Variants in MARCHF1 observed in about 807,000 individuals in gnomAD.
MARCHF1 encodes membrane associated ring-CH-type finger 1, also known as E3 ubiquitin-protein ligase MARCHF1.
A neutral mutation model predicts 54.2 loss-of-function variants in MARCHF1; 40 were observed. The observed-to-expected ratio is 0.74, with a 90% CI of 0.57 to 0.96. The LOEUF is 0.96. Among genes scored for constraint, MARCHF1 ranks in the 40% least tolerant of loss-of-function variants. The pLI, the probability that MARCHF1 is intolerant of heterozygous loss-of-function variation, is 0.00. For synonymous variants in MARCHF1, 236 were observed against 236.3 expected, an observed-to-expected ratio of 1.00 and a Z score of 0.01; for missense variants, 586 against 656.5, an observed-to-expected ratio of 0.89 and a Z score of 1.17.
At chr4:164,158,474 C>T (rs897242884) in intron 1 of MARCHF1, among the ~76,000 whole-genome samples, 2 of 151,946 alleles carry the variant, frequency 1.3e-5, no homozygotes, top group Non-Finnish European at 2.9e-5. Flanking sequence ...AACTCTGTCT[C>T]TACTAAAAAT....
chr4:164,031,255 T>C (rs757882483), intron 2 of MARCHF1, among the ~76,000 whole-genome samples: 6 of 152,214 alleles, frequency 3.9e-5, no homozygotes, highest in Non-Finnish European at 7.3e-5. Flanking sequence ...TGTCCAGTTC[T>C]AGATTTTCTA....
intron 1 of MARCHF1, among the ~76,000 whole-genome samples, chr4:164,237,961 T>G (rs1446431008): frequency 6.6e-6 from 1 of 151,998 alleles, no homozygotes; most frequent in Non-Finnish European, 1.5e-5. Context: ...TTCAAGAAAT[T>G]TTAAAATTAT....
chr4:164,369,178 C>G (rs150344657), intron 1 of MARCHF1, among the ~76,000 whole-genome samples: 2 of 152,266 alleles, frequency 1.3e-5, no homozygotes, highest in South Asian at 2.1e-4. Context: ...GACAGGCTCA[C>G]GGCCAGACGC....
At chr4:164,295,076 T>A (rs1281244365) in intron 1 of MARCHF1, among the ~76,000 whole-genome samples, 1 of 151,612 alleles carries the variant, frequency 6.6e-6, no homozygotes, top group Non-Finnish European at 1.5e-5. Context: ...CATAATGAAA[T>A]AAATATCCAA....
chr4:163,944,918 T>TA (rs1751995001), intron 3 of MARCHF1, among the ~76,000 whole-genome samples: 1 of 152,194 alleles, frequency 6.6e-6, no homozygotes, highest in Admixed American at 6.5e-5. Flanking sequence ...AAGCCACCTG[T>TA]ATTGACTATT....
At chr4:164,040,305 T>A (rs1021555612) in intron 2 of MARCHF1, among the ~76,000 whole-genome samples, 2 of 121,024 alleles carry the variant, frequency 1.7e-5, no homozygotes, top group Admixed American at 1.8e-4. Flanking sequence ...TATAAGTACA[T>A]ATACTTATAA....
intron 2 of MARCHF1, among the ~76,000 whole-genome samples, chr4:164,048,388 A>T (rs1347338039): frequency 6.6e-6 from 1 of 152,150 alleles, no homozygotes; most frequent in Non-Finnish European, 1.5e-5. Flanking sequence ...CTGTCCTTGG[A>T]GTTATTTATA....
chr4:164,299,374 T>C (rs974807036), intron 1 of MARCHF1, among the ~76,000 whole-genome samples: 1 of 152,106 alleles, frequency 6.6e-6, no homozygotes, highest in African/African-American at 2.4e-5. Context: ...AATCTTAGAA[T>C]TACTGTAATG....
intron 2 of MARCHF1, among the ~76,000 whole-genome samples, chr4:163,994,564 TATA>T (rs1192146308): frequency 2.6e-5 from 4 of 151,818 alleles, no homozygotes; most frequent in Admixed American, 2.0e-4. Context: ...AAACTTAAAG[TATA>T]ATAATAATAA....
At chr4:164,376,707 G>T (rs554103637) in intron 1 of MARCHF1, among the ~76,000 whole-genome samples, 2 of 152,292 alleles carry the variant, frequency 1.3e-5, no homozygotes, top group Admixed American at 1.3e-4. Context: ...CTTCCAGGCT[G>T]CATGGACCAC....
chr4:164,271,151 G>T (rs1428115394), intron 1 of MARCHF1, among the ~76,000 whole-genome samples: 1 of 152,154 alleles, frequency 6.6e-6, no homozygotes, highest in East Asian at 1.9e-4. Context: ...GTGGCAGGGA[G>T]AATAATGGCC....
At chr4:163,980,588 T>C (rs924485545) in intron 3 of MARCHF1, among the ~76,000 whole-genome samples, 1 of 152,138 alleles carries the variant, frequency 6.6e-6, no homozygotes. Context: ...GAAGTTCTCT[T>C]ATAATTTCAC....
intron 1 of MARCHF1, among the ~76,000 whole-genome samples, chr4:164,162,417 G>C (rs1415202568): frequency 1.3e-5 from 2 of 152,192 alleles, no homozygotes; most frequent in East Asian, 3.9e-4. Flanking sequence ...GAATATGACC[G>C]AATCCAGAGA....
At chr4:163,567,248 G>A (rs1739674354) in intron 8 of MARCHF1, among the ~76,000 whole-genome samples, 1 of 151,848 alleles carries the variant, frequency 6.6e-6, no homozygotes, top group East Asian at 1.9e-4. Flanking sequence ...TAAAAAAAAA[G>A]AACCCATCTT....
chr4:163,725,430 A>G (rs996478951), intron 4 of MARCHF1, among the ~76,000 whole-genome samples: 1 of 151,714 alleles, frequency 6.6e-6, no homozygotes, highest in Non-Finnish European at 1.5e-5. Context: ...GTGAGCCATG[A>G]TTGTGCTACT....
chr4:164,173,648 G>C (rs1280197818), intron 1 of MARCHF1, among the ~76,000 whole-genome samples: 1 of 152,098 alleles, frequency 6.6e-6, no homozygotes, highest in East Asian at 1.9e-4. Flanking sequence ...GATCATGTGA[G>C]AGCCGGTTGT....
At chr4:163,632,574 C>T (rs9715475) in intron 5 of MARCHF1, among the ~76,000 whole-genome samples, 3,481 of 152,304 alleles carry the variant, frequency 0.023, 126 homozygotes, top group East Asian at 0.079. Flanking sequence ...GATTATATCC[C>T]GCACCTGGCT....
At chr4:164,251,606 A>G (rs372497397) in intron 1 of MARCHF1, among the ~76,000 whole-genome samples, 5 of 152,308 alleles carry the variant, frequency 3.3e-5, no homozygotes, top group East Asian at 1.9e-4. Context: ...TAGGATGATG[A>G]TAAAGGCAAA....
At chr4:163,941,829 T>C (rs1256098763) in intron 3 of MARCHF1, among the ~76,000 whole-genome samples, 3 of 152,190 alleles carry the variant, frequency 2.0e-5, no homozygotes, top group Non-Finnish European at 4.4e-5. Flanking sequence ...GTAAGTGCTA[T>C]AAAAATGTTT....
Sources: allele counts gnomAD v4.1 joint callset (sites outside exome capture counted in the v4.1 genomes callset), GRCh38; gene constraint gnomAD v4.1.1; transcripts MANE v1.5; gene names NCBI Gene and HGNC (gene_info 2026-07-23, HGNC 2026-07-21).